The following LOXL2 variants were observed in gnomAD, a reference collection of about 807,000 sequenced individuals.
LOXL2 encodes the protein lysyl oxidase homolog 2.
A neutral mutation model predicts 93.0 loss-of-function variants in LOXL2; 70 were observed. The ratio of observed to expected loss-of-function variants is 0.75; its 90% CI spans 0.62 to 0.92. The LOEUF (loss-of-function observed/expected upper bound fraction) is 0.92, where lower values mean the gene tolerates loss of function less well. LOXL2 is among the 40% of genes least tolerant of loss of function. The probability of loss-of-function intolerance (pLI) is 0.00; values close to 1 mark genes in which losing one functional copy is unlikely to be tolerated. For synonymous variants in LOXL2, 438 were observed against 413.2 expected (o/e 1.06, Z -0.73); for missense variants, 973 against 1,054.9 (o/e 0.92, Z 1.08).
chr8:23,391,394 G>C (rs1477069051), intron 1 of LOXL2, among the ~76,000 whole-genome samples: 1 of 152,146 alleles, frequency 6.6e-6, no homozygotes, highest in East Asian at 1.9e-4. Context: ...TACATCAGAA[G>C]TTAAAGTGCC....
intron 1 of LOXL2, among the ~76,000 whole-genome samples, chr8:23,371,354 T>C (rs547794691): frequency 1.3e-5 from 2 of 152,120 alleles, no homozygotes; most frequent in African/African-American, 2.4e-5. Flanking sequence ...TAGGAAGGAA[T>C]GAAGAGTATG....
chr8:23,320,701 G>A (rs568180452), intron 7 of LOXL2, among the ~76,000 whole-genome samples: 22 of 152,186 alleles, frequency 1.4e-4, no homozygotes, highest in African/African-American at 5.3e-4. Context: ...TAAGCCCAGG[G>A]TTTTGAGACC....
chr8:23,398,605 G>A (rs920360732), intron 1 of LOXL2, among the ~76,000 whole-genome samples: 1 of 152,140 alleles, frequency 6.6e-6, no homozygotes, highest in African/African-American at 2.4e-5. Flanking sequence ...AAGTGCAAAA[G>A]ATTTGTTAAA....
Position 23,341,325 on chromosome 8 carries a change from C to G in LOXL2, c.532-122G>C, listed in dbSNP as rs1165571092. 4 of 781,580 alleles carry G rather than the reference C, an allele frequency of 5.1e-6. No homozygotes were observed. In the East Asian group the frequency reaches 1.1e-4, roughly 21 times the overall value. The allele number at this position is 781,580 out of a possible 1,614,324, so 48.4% of individuals were successfully genotyped here. A position where few individuals can be genotyped will look rare whatever the true frequency, so the allele number is the denominator to read the frequency against. ...CCTGCCGCGGGCCTGCCTGTGCCCT[C>G]AGGCCCTGCAGTGAGCTCTGGGCAA... On this transcript the variant is annotated intron_variant, in intron 3 of 13. Coordinates refer to ENST00000389131, the MANE Select transcript of LOXL2 (RefSeq NM_002318.3).
Position 23,344,627 on chromosome 8 carries a change from C to T in LOXL2, c.532-3424G>A, listed in dbSNP as rs1004538644. On this transcript the variant is annotated intron_variant, in intron 3 of 13. Coordinates refer to ENST00000389131, the MANE Select transcript of LOXL2 (RefSeq NM_002318.3). ...TGTGTGCATGATGATGTATGCATGA[C>T]AGGGTTGTGTGTGTGTGCCGGTGTG... Among the ~76,000 whole-genome samples the T allele has an allele frequency of 2.6e-5, 4 of 151,776 alleles. No homozygotes were observed. The South Asian group carries it at 8.3e-4, about 32-fold the overall frequency.
At chr8:23,298,194 G>A in intron 13 of LOXL2, 72 bp from the exon 14 acceptor site, 3 of 1,208,012 alleles carry the variant, frequency 2.5e-6, no homozygotes, top group East Asian at 4.7e-5. Context: ...CTGAGCCAGG[G>A]GAGTGGGCCT....
At chr8:23,385,044 G>T (rs1325872719) in intron 1 of LOXL2, among the ~76,000 whole-genome samples, 3 of 149,992 alleles carry the variant, frequency 2.0e-5, no homozygotes, top group Non-Finnish European at 4.4e-5. Flanking sequence ...AGACTGGAGG[G>T]AGCAATTCCA....
intron 9 of LOXL2, among the ~76,000 whole-genome samples, chr8:23,313,071 T>C (rs1355408886): frequency 1.3e-5 from 2 of 151,142 alleles, no homozygotes; most frequent in Non-Finnish European, 2.9e-5. Flanking sequence ...GAGAATAAAA[T>C]ACCTAGGAAT....
chr8:23,335,832 T>A (rs1803780457), intron 4 of LOXL2, among the ~76,000 whole-genome samples: 1 of 152,100 alleles, frequency 6.6e-6, no homozygotes. Flanking sequence ...GAAGGGCAAA[T>A]CCTACAGACA....
intron 7 of LOXL2, 48 bp downstream of exon 7, chr8:23,322,081 CT>C (rs1803505914): frequency 6.3e-7 from 1 of 1,598,762 alleles, no homozygotes; most frequent in South Asian, 1.1e-5. Flanking sequence ...TGTGGCTATA[CT>C]TTCTGCAGCC....
intron 9 of LOXL2, chr8:23,316,709 G>A: frequency 2.0e-6 from 1 of 511,166 alleles, no homozygotes; most frequent in Non-Finnish European, 3.4e-6. Flanking sequence ...TCCTGTGACT[G>A]AATCCGGGCT....
chr8:23,309,886 C>T lies in LOXL2; in HGVS notation c.1662G>A (p.Ala554=), dbSNP rs747685075. 2.0e-5 allele frequency: 31 copies of T among 1,542,238 alleles called. No homozygotes were observed. The highest frequency in any genetic ancestry group is 1.7e-4 in the East Asian group (7 of 40,382). The stretch of plus-strand genomic sequence containing the variant: ...GGTAGGTGGTCTGCTGCACCATCTC[C>T]GCATTGAGGACCAGGTCAGGGGCGG... ...SETAPDLVLN[A]EMVQQTTYLE... is the part of the protein sequence containing the mutation. Residue 554 remains alanine (A), a synonymous_variant, in exon 10 of 14, where the codon GCG becomes GCA. Transcript: ENST00000389131.
intron 2 of LOXL2, among the ~76,000 whole-genome samples, 193 bp from the exon 3 acceptor site, chr8:23,360,458 C>T (rs528463326): frequency 6.6e-6 from 1 of 152,214 alleles, no homozygotes; most frequent in East Asian, 1.9e-4. Context: ...ACAGTAAGCA[C>T]CTGATGTGAT....
chr8:23,342,433 CTTTTTTTTT>C (rs1178917449), intron 3 of LOXL2, among the ~76,000 whole-genome samples: 2 of 137,330 alleles, frequency 1.5e-5, no homozygotes, highest in Admixed American at 7.1e-5. Flanking sequence ...TTTTCTTTTT[CTTTTTTTTT>C]TTTTTTTGAG....
At chr8:23,328,047 C>A (rs1370799795) in intron 6 of LOXL2, among the ~76,000 whole-genome samples, 2 of 94,858 alleles carry the variant, frequency 2.1e-5, no homozygotes, top group African/African-American at 5.4e-5. Context: ...GGCCTGAGAA[C>A]CCTGGCGTTT....
chr8:23,351,969 C>A (rs1254832025), intron 3 of LOXL2, among the ~76,000 whole-genome samples: 2 of 152,168 alleles, frequency 1.3e-5, no homozygotes, highest in Non-Finnish European at 1.5e-5. Flanking sequence ...CACCACCATG[C>A]CCAACTAATT....
Position 23,385,507 on chromosome 8 carries a change from G to A in LOXL2, c.-83-17073C>T, listed in dbSNP as rs541947083. Among the ~76,000 whole-genome samples, 52 of 151,266 alleles carry A rather than the reference G, an allele frequency of 3.4e-4. No individual in the cohort carries two copies. The South Asian group carries it at 9.8e-3, about 29-fold the overall frequency. ...ACTCCTGACCTTAAGTGATCCGCCCGGCTCAGCCTCCCAAAGTGCTGGGAT... is the reference window on the plus strand; with the variant it reads ...ACTCCTGACCTTAAGTGATCCGCCCAGCTCAGCCTCCCAAAGTGCTGGGAT... On this transcript the variant is annotated intron_variant, in intron 1 of 13. Transcript: ENST00000389131.
intron 3 of LOXL2, chr8:23,341,414 G>C: frequency 1.7e-6 from 1 of 589,456 alleles, no homozygotes; most frequent in Non-Finnish European, 3.0e-6. Context: ...TAGTGAGGCT[G>C]AAAGGACCCA....
At position 23,404,023 on chromosome 8, in the gene LOXL2, C is replaced by T; in HGVS notation, c.-153G>A. On this transcript the variant is annotated 5_prime_UTR_variant, in exon 1 of 14. Transcript: ENST00000389131. ...CACGGTGGTCCCCCTCCGCTTCCGC[C>T]GCCGCTGAGCCCCTTTCTCGAGCAG... 5.5e-6 allele frequency: 1 copy of T among 180,768 alleles called. No homozygotes were observed. Among genetic ancestry groups the T allele is most frequent in the Non-Finnish European group, 1.2e-5 (1 of 82,958 alleles). The allele number at this position is 180,768 out of a possible 1,614,324, so 11.2% of individuals were successfully genotyped here.
Sources: allele counts gnomAD v4.1 joint callset (sites outside exome capture counted in the v4.1 genomes callset), GRCh38; gene constraint gnomAD v4.1.1; transcripts MANE v1.5; gene names NCBI Gene and HGNC (gene_info 2026-07-23, HGNC 2026-07-21).